Variants in KSR2 observed in about 807,000 individuals in gnomAD.
The protein encoded by KSR2 is kinase suppressor of ras 2.
Under a neutral mutation model 107.8 loss-of-function variants are expected in KSR2, and 25 were observed. The ratio of observed to expected loss-of-function variants is 0.23; its 90% CI spans 0.17 to 0.32. KSR2 has a LOEUF of 0.32. Ranked by LOEUF, KSR2 falls within the 10% of genes least tolerant of loss-of-function variation. The pLI is 1.00. For missense variants in KSR2, 887 were observed against 1,268.9 expected (o/e 0.70, Z 4.57); for synonymous variants, 480 against 507.0 (o/e 0.95, Z 0.71).
rs1555223892 is a variant in KSR2, at chr12:117,639,631, A to ATTATTATTG, written c.1171+27842_1171+27843insCAATAATAA. The stretch of plus-strand genomic sequence containing the variant: ...AGGCATGAGCCACCGCACCCAGCGT[A>ATTATTATTG]TTATTATTATTATTATTATTATTAT... On this transcript the variant is annotated intron_variant, in intron 5 of 19. Transcript: ENST00000339824. Among the ~76,000 whole-genome samples the ATTATTATTG allele has an allele frequency of 3.0e-4, 40 of 133,884 alleles. 1 individual carries two copies. In the South Asian group the frequency reaches 9.9e-3, roughly 33 times the overall value. The allele number at this position is 133,884 out of a possible 152,430, so 87.8% of individuals were successfully genotyped here.
At chr12:117,772,701 CAA>C (rs1242255573) in intron 3 of KSR2, among the ~76,000 whole-genome samples, 1 of 151,482 alleles carries the variant, frequency 6.6e-6, no homozygotes, top group Non-Finnish European at 1.5e-5. Context: ...ACCATTCCCC[CAA>C]AGATGCACAA....
intron 1 of KSR2, among the ~76,000 whole-genome samples, chr12:117,934,419 C>T (rs1895781536): frequency 6.6e-6 from 1 of 152,158 alleles, no homozygotes; most frequent in South Asian, 2.1e-4. Context: ...TGATAAAATG[C>T]AAGTGTGGCA....
At chr12:117,695,331 G>A (rs115151342) in intron 4 of KSR2, among the ~76,000 whole-genome samples, 4,936 of 152,166 alleles carry the variant, frequency 0.032, 243 homozygotes, top group African/African-American at 0.11. Flanking sequence ...CAATGTGAAC[G>A]TACTTAATAT....
chr12:117,516,407 C>G (rs1394709511), intron 14 of KSR2, among the ~76,000 whole-genome samples: 1 of 152,132 alleles, frequency 6.6e-6, no homozygotes, highest in Non-Finnish European at 1.5e-5. Context: ...GTCACTGACT[C>G]CTATCATTTG....
intron 3 of KSR2, among the ~76,000 whole-genome samples, chr12:117,793,528 A>AAC (rs1282396229): frequency 1.3e-5 from 1 of 79,254 alleles, no homozygotes; most frequent in African/African-American, 6.9e-5. Context: ...CACATACACC[A>AAC]ACGTGCACTC....
At chr12:117,691,462 T>C (rs1202164466) in intron 4 of KSR2, among the ~76,000 whole-genome samples, 1 of 152,204 alleles carries the variant, frequency 6.6e-6, no homozygotes, top group Non-Finnish European at 1.5e-5. Flanking sequence ...TCTGGTTCTG[T>C]TGCCTTCGGT....
chr12:117,527,580 T>C (rs1875289077), intron 12 of KSR2, among the ~76,000 whole-genome samples: 1 of 152,226 alleles, frequency 6.6e-6, no homozygotes, highest in South Asian at 2.1e-4. Context: ...CTTGGAAGGA[T>C]CTCAGTGTTC....
Position 117,761,077 on chromosome 12 carries a change from G to A in KSR2, c.920C>T (p.Ala307Val), listed in dbSNP as rs756996528. Residue 307 changes from alanine (A) to valine (V), a missense_variant, in exon 4 of 20, where the codon GCG (alanine) becomes GTG (valine). By Grantham distance (64) the Ala-to-Val change is moderately conservative. This residue lies in a region of KSR2 where 399 missense variants were observed against 479.5 expected (regional missense o/e 0.83). Transcript: ENST00000339824. ...CTCGTGGGATTTGCTCCGATGCAGC[G>A]CGGTGAATCCCGGGATCAAGTGTAT... ...KLIHLIPGFT[A>V]LHRSKSHEFQ... 26 of 1,613,798 alleles carry A rather than the reference G, an allele frequency of 1.6e-5. No homozygotes were observed. The highest frequency in any genetic ancestry group is 1.0e-4 in the Admixed American group (6 of 60,020).
At chr12:117,801,165 G>A (rs1377696171) in intron 3 of KSR2, among the ~76,000 whole-genome samples, 1 of 152,128 alleles carries the variant, frequency 6.6e-6, no homozygotes, top group Non-Finnish European at 1.5e-5. Flanking sequence ...AGGCTGGAGT[G>A]CAATGCAGTG....
At chr12:117,566,175 G>A (rs1011468964) in intron 7 of KSR2, among the ~76,000 whole-genome samples, 6 of 151,902 alleles carry the variant, frequency 3.9e-5, no homozygotes, top group East Asian at 1.9e-4. Context: ...AGGCTGAAGC[G>A]CAGTGGTGCA....
At chr12:117,753,284 CTCTGTT>C (rs1456595368) in intron 4 of KSR2, among the ~76,000 whole-genome samples, 1 of 152,186 alleles carries the variant, frequency 6.6e-6, no homozygotes, top group African/African-American at 2.4e-5. Context: ...TATGGTGTAT[CTCTGTT>C]TACATACGGT....
intron 6 of KSR2, among the ~76,000 whole-genome samples, chr12:117,581,410 C>A (rs1048565601): frequency 6.6e-6 from 1 of 152,178 alleles, no homozygotes; most frequent in African/African-American, 2.4e-5. Flanking sequence ...AGGAAAGAAT[C>A]CATGAATAAG....
At chr12:117,595,554 G>A (rs892314898) in intron 5 of KSR2, among the ~76,000 whole-genome samples, 4 of 151,664 alleles carry the variant, frequency 2.6e-5, no homozygotes, top group Middle Eastern at 3.2e-3. Flanking sequence ...TAGTAGAGAC[G>A]GGGTTTCACC....
intron 4 of KSR2, among the ~76,000 whole-genome samples, chr12:117,673,352 G>A (rs918854855): frequency 1.1e-4 from 17 of 152,040 alleles, no homozygotes; most frequent in African/African-American, 4.1e-4. Flanking sequence ...GGAGGAAGAT[G>A]AAAGAATTAA....
chr12:117,926,448 G>A (rs1391598474), intron 1 of KSR2, among the ~76,000 whole-genome samples: 4 of 152,240 alleles, frequency 2.6e-5, no homozygotes, highest in Non-Finnish European at 5.9e-5. Flanking sequence ...GCTGGAAGCT[G>A]CTGCTCTGGA....
At chr12:117,521,319 A>G (rs1164031840) in intron 14 of KSR2, among the ~76,000 whole-genome samples, 2 of 152,246 alleles carry the variant, frequency 1.3e-5, no homozygotes, top group African/African-American at 4.8e-5. Flanking sequence ...AGGACACTGC[A>G]AGAAACATCC....
At chr12:117,829,175 C>T (rs1359026966) in intron 3 of KSR2, among the ~76,000 whole-genome samples, 8 of 152,184 alleles carry the variant, frequency 5.3e-5, no homozygotes, top group Admixed American at 5.2e-4. Context: ...CTCATCTCCT[C>T]TTTTCATCTC....
chr12:117,613,100 T>C (rs775072262), intron 5 of KSR2, among the ~76,000 whole-genome samples: 1 of 152,176 alleles, frequency 6.6e-6, no homozygotes, highest in African/African-American at 2.4e-5. Flanking sequence ...GGCAAAACCA[T>C]TTTTCAGCTC....
Position 117,740,770 on chromosome 12 carries a change from T to C in KSR2, c.986+20241A>G, listed in dbSNP as rs1333783038. Among the ~76,000 whole-genome samples the C allele has an allele frequency of 2.6e-5, 4 of 151,668 alleles. No individual in the cohort carries two copies. In the Admixed American group the frequency reaches 2.6e-4, roughly 10 times the overall value. ...TTTTTGCAATTGCAAATTGTGCTGC[T>C]ATAAACATACATGTGCAAGTATCTT... On this transcript the variant is annotated intron_variant, in intron 4 of 19. Transcript: ENST00000339824.
Sources: allele counts gnomAD v4.1 joint callset (sites outside exome capture counted in the v4.1 genomes callset), GRCh38; gene constraint gnomAD v4.1.1; regional missense constraint gnomAD v4.1.1; transcripts MANE v1.5; gene names NCBI Gene and HGNC (gene_info 2026-07-23, HGNC 2026-07-21).